Variants in FRMD8 observed in about 807,000 individuals in gnomAD.
FRMD8 encodes FERM domain containing 8, also known as FERM domain-containing protein 8.
In FRMD8, 37 loss-of-function variants were observed where a neutral mutation model predicts 54.2. That is an observed-to-expected ratio of 0.68 (90% CI 0.53 to 0.90). The LOEUF (loss-of-function observed/expected upper bound fraction) is 0.90. FRMD8 is among the 40% of genes least tolerant of loss of function. The pLI is 0.00. For synonymous variants in FRMD8, 246 were observed against 286.9 expected (o/e 0.86, Z 1.44); for missense variants, 585 against 653.7 (o/e 0.89, Z 1.15).
intron 10 of FRMD8, 100 bp from the exon 11 acceptor site, chr11:65,411,142 A>C: frequency 1.1e-6 from 1 of 905,388 alleles, no homozygotes; most frequent in Non-Finnish European, 1.7e-6. Flanking sequence ...AGGCTCTGGA[A>C]GGAGCCGTCG....
intron 10 of FRMD8, among the ~76,000 whole-genome samples, chr11:65,410,041 C>T (rs1319011408): frequency 6.6e-6 from 1 of 151,636 alleles, no homozygotes; most frequent in Admixed American, 6.6e-5. Flanking sequence ...ACACTGCACT[C>T]CAGCCTGAGC....
chr11:65,368,548 AGTTTTGTTTT>A, the FRMD8 span, among the ~76,000 whole-genome samples: 14 of 150,328 alleles, frequency 9.3e-5, no homozygotes, highest in South Asian at 4.2e-4. Flanking sequence ...TGCCAGCTAG[AGTTTTGTTTT>A]GTTTTGTTTT....
At chr11:65,403,081 T>TC (rs1856116082) in intron 9 of FRMD8, among the ~76,000 whole-genome samples, 1 of 152,230 alleles carries the variant, frequency 6.6e-6, no homozygotes, top group Non-Finnish European at 1.5e-5. Flanking sequence ...TCTCACTATG[T>TC]TGCCCAGGCT....
At position 65,412,353 on chromosome 11, in the gene FRMD8, T is replaced by C. The variant is rs1856353625; in HGVS notation, c.*993T>C. The C allele has an allele frequency of 6.6e-6, 1 of 152,250 alleles. No individual in the cohort carries two copies. The highest frequency in any genetic ancestry group is 1.5e-5 in the Non-Finnish European group (1 of 68,086). The allele number at this position is 152,250 out of a possible 1,614,324, so 9.4% of individuals were successfully genotyped here. On this transcript the variant is annotated 3_prime_UTR_variant, in exon 11 of 11. Transcript: ENST00000317568. The stretch of plus-strand genomic sequence containing the variant: ...GGAAGTGCCCTGGGTACCTCTGCTG[T>C]GCGCTCCTTCCCAGGTGGCGCCATG...
At chr11:65,410,744 A>G (rs1021790326) in intron 10 of FRMD8, among the ~76,000 whole-genome samples, 3 of 152,052 alleles carry the variant, frequency 2.0e-5, no homozygotes, top group African/African-American at 4.8e-5. Flanking sequence ...GAGCCGAGAT[A>G]GTGCCACTGC....
At chr11:65,379,685 C>G in the FRMD8 span, 1 of 1,271,154 alleles carries the variant, frequency 7.9e-7, no homozygotes, top group South Asian at 1.5e-5. Context: ...GAAGTGGGGA[C>G]AGGCAGGGAT....
At chr11:65,410,784 C>T (rs571243134) in intron 10 of FRMD8, among the ~76,000 whole-genome samples, 150 of 152,064 alleles carry the variant, frequency 9.9e-4, no homozygotes, top group African/African-American at 3.4e-3. Context: ...AGCGAGACTC[C>T]GTCTCAAAAC....
the FRMD8 span, among the ~76,000 whole-genome samples, chr11:65,373,769 G>C: frequency 1.2e-4 from 19 of 152,200 alleles, no homozygotes; most frequent in Middle Eastern, 3.4e-3. Context: ...TAAATTTTTG[G>C]TAGATACAAG....
At chr11:65,382,562 C>T (rs894977017), upstream of FRMD8, 2 of 154,774 alleles carry the variant, frequency 1.3e-5, no homozygotes, top group East Asian at 1.9e-4. This position sits in a 1 kb window ranked among gnomAD's most constrained non-coding sequence, Gnocchi z 4.4. Flanking sequence ...CAGCCTTCCT[C>T]GGCTTCCTCC....
chr11:65,394,068 A>G lies in FRMD8; in HGVS notation c.383A>G (p.Asn128Ser). The G allele has an allele frequency of 6.2e-7, 1 of 1,614,000 alleles. No individual in the cohort carries two copies. The highest frequency in any genetic ancestry group is 1.3e-5 in the African/African-American group (1 of 75,010). ...MDEPFLQFRR[N>S]VFFPKRRELQ... Reference sequence around the variant, plus strand: ...GAGCCTTTCCTGCAGTTCCGAAGGAACGTGTTCTTCCCAAAGCGGCGGGAG... The same window carrying G: ...GAGCCTTTCCTGCAGTTCCGAAGGAGCGTGTTCTTCCCAAAGCGGCGGGAG... The change falls in exon 5 of 11, where the codon AAC becomes AGC. Residue 128 changes from asparagine to serine, a missense_variant. By Grantham distance (46) the Asn-to-Ser change is conservative. Transcript: ENST00000317568.
chr11:65,386,047 C>A (rs570823831), upstream of FRMD8, among the ~76,000 whole-genome samples: 1 of 152,000 alleles, frequency 6.6e-6, no homozygotes, highest in Non-Finnish European at 1.5e-5. Context: ...CCGCCCGCCT[C>A]GGCCTCCCAA....
chr11:65,401,218 G>C (rs1416573989), intron 9 of FRMD8, among the ~76,000 whole-genome samples: 3 of 151,986 alleles, frequency 2.0e-5, no homozygotes, highest in African/African-American at 7.3e-5. Flanking sequence ...TGCGGTGGGC[G>C]TGGAAACGTT....
upstream of FRMD8, among the ~76,000 whole-genome samples, chr11:65,386,027 A>T (rs927546420): frequency 6.6e-6 from 1 of 151,682 alleles, no homozygotes; most frequent in Non-Finnish European, 1.5e-5. Context: ...GGATCTCCTG[A>T]CCTCGTGATC....
chr11:65,381,804 C>G, upstream of FRMD8: 9 of 1,383,344 alleles, frequency 6.5e-6, no homozygotes, highest in Non-Finnish European at 8.2e-6. Flanking sequence ...GTGATCCTCC[C>G]GCCAGGCCGG....
At chr11:65,393,881 G>A (rs1855891394) in intron 4 of FRMD8, 160 bp from the exon 5 acceptor site, 14 of 812,754 alleles carry the variant, frequency 1.7e-5, no homozygotes, top group South Asian at 1.2e-4. Context: ...GGGAGCCACC[G>A]GGGCACGTTG....
intron 6 of FRMD8, among the ~76,000 whole-genome samples, 200 bp from the exon 7 acceptor site, chr11:65,396,599 G>A (rs1855959885): frequency 6.6e-6 from 1 of 152,198 alleles, no homozygotes; most frequent in African/African-American, 2.4e-5. Flanking sequence ...TGGCCCTGGA[G>A]TCTGCCCTTC....
At chr11:65,369,971 C>T in the FRMD8 span, among the ~76,000 whole-genome samples, 1,623 of 148,804 alleles carry the variant, frequency 0.011, 35 homozygotes, top group African/African-American at 0.038. Flanking sequence ...GTGGAAGTTG[C>T]GGTGAGCCAA....
chr11:65,400,563 C>G lies in FRMD8; in HGVS notation c.928-161C>G, dbSNP rs532161560. On this transcript the variant is annotated intron_variant, in intron 8 of 10. Transcript: ENST00000317568. This position sits in a 1 kb window ranked among gnomAD's most constrained non-coding sequence, Gnocchi z 4.3. ...TCCCTGGACCACAGCCCCTGGCAGG[C>G]TCTGATGAAAGCTGAGGCTCTCTCC... is the stretch of plus-strand genomic sequence containing the variant. Among the ~76,000 whole-genome samples the G allele has an allele frequency of 6.6e-6, 1 of 152,320 alleles. No individual in the cohort carries two copies. Among genetic ancestry groups the G allele is most frequent in the East Asian group, 1.9e-4 (1 of 5,178 alleles).
intron 7 of FRMD8, 55 bp downstream of exon 7, chr11:65,397,075 T>G: frequency 2.0e-6 from 2 of 1,021,610 alleles, no homozygotes; most frequent in Non-Finnish European, 1.4e-6. Flanking sequence ...TTCTTGGGCT[T>G]TGCTAGCACA....
Sources: allele counts gnomAD v4.1 joint callset (sites outside exome capture counted in the v4.1 genomes callset), GRCh38; gene constraint gnomAD v4.1.1; non-coding constraint Gnocchi (gnomAD v3.1); transcripts MANE v1.5; gene names NCBI Gene and HGNC (gene_info 2026-07-23, HGNC 2026-07-21).